The following PBX1 variants were observed in gnomAD, a reference collection of about 807,000 sequenced individuals.
PBX1 encodes pre-B-cell leukemia transcription factor 1.
In PBX1, 6 loss-of-function variants were observed where a neutral mutation model predicts 53.4. That is an observed-to-expected ratio of 0.11 (90% CI 0.06 to 0.22). PBX1 has a LOEUF of 0.22. PBX1 is among the 10% of genes least tolerant of loss of function. The pLI is 1.00. For missense variants in PBX1, 251 were observed against 551.4 expected (o/e 0.46, Z 5.46); for synonymous variants, 204 against 212.3 (o/e 0.96, Z 0.34).
chr1:164,874,049 G>T (rs933050504), intron 2 of PBX1, among the ~76,000 whole-genome samples: 2 of 151,748 alleles, frequency 1.3e-5, no homozygotes, highest in African/African-American at 4.8e-5. Context: ...GAGAGGAGAG[G>T]GCACACACCT....
At chr1:164,692,033 AC>A (rs1571230783) in intron 2 of PBX1, among the ~76,000 whole-genome samples, 1 of 152,220 alleles carries the variant, frequency 6.6e-6, no homozygotes, top group East Asian at 1.9e-4. Context: ...AGACACTATT[AC>A]GTATATGCAA....
chr1:164,750,511 CAT>C (rs1412520749), intron 2 of PBX1, among the ~76,000 whole-genome samples: 2 of 151,980 alleles, frequency 1.3e-5, no homozygotes, highest in African/African-American at 2.4e-5. Flanking sequence ...AAAATAGACC[CAT>C]AGTTGGTGTC....
At chr1:164,818,328 G>T (rs910270484) in intron 6 of PBX1, 2 of 152,140 alleles carry the variant, frequency 1.3e-5, no homozygotes, top group African/African-American at 4.8e-5. Flanking sequence ...CACTGACTGG[G>T]TATAAGCCAC....
At chr1:164,869,918 G>A (rs1355724265) in intron 2 of PBX1, among the ~76,000 whole-genome samples, 1 of 152,122 alleles carries the variant, frequency 6.6e-6, no homozygotes, top group African/African-American at 2.4e-5. Flanking sequence ...GACCATGCCT[G>A]GCATTTCAAG....
At chr1:164,781,202 A>G (rs1005678080) in intron 2 of PBX1, among the ~76,000 whole-genome samples, 2 of 152,082 alleles carry the variant, frequency 1.3e-5, no homozygotes, top group African/African-American at 4.8e-5. Flanking sequence ...TCATGGAAAA[A>G]GAAAAGCTAA....
chr1:164,757,553 C>A (rs1012666924), intron 2 of PBX1, among the ~76,000 whole-genome samples: 2 of 152,180 alleles, frequency 1.3e-5, no homozygotes, highest in African/African-American at 4.8e-5. Context: ...AAGGTGTTAT[C>A]TTGTCCACCT....
intron 2 of PBX1, among the ~76,000 whole-genome samples, chr1:164,664,755 T>C (rs921715092): frequency 6.6e-6 from 1 of 152,170 alleles, no homozygotes; most frequent in Admixed American, 6.5e-5. Flanking sequence ...GAGCAAGTCA[T>C]ATCTTATGTG....
At chr1:164,842,029 G>T (rs1180180211) in intron 8 of PBX1, among the ~76,000 whole-genome samples, 15 of 152,174 alleles carry the variant, frequency 9.9e-5, no homozygotes, top group Non-Finnish European at 1.5e-4. Flanking sequence ...GTCACATCAG[G>T]TGATGAATTC....
At chr1:164,792,809 C>A in intron 3 of PBX1, 71 bp downstream of exon 3, 1 of 1,195,296 alleles carries the variant, frequency 8.4e-7, no homozygotes, top group South Asian at 1.5e-5. Flanking sequence ...AACCCCGGGG[C>A]TTGCAGAGAG....
At chr1:164,571,409 A>G (rs1395703083) in intron 2 of PBX1, among the ~76,000 whole-genome samples, 1 of 152,110 alleles carries the variant, frequency 6.6e-6, no homozygotes, top group Non-Finnish European at 1.5e-5. Flanking sequence ...GTTTTTGCCT[A>G]TTCTGGACAT....
chr1:164,586,926 G>A (rs1654983338), intron 2 of PBX1, among the ~76,000 whole-genome samples: 1 of 152,136 alleles, frequency 6.6e-6, no homozygotes, highest in Admixed American at 6.5e-5. Context: ...GAGAACAGTG[G>A]CAACAGTCCA....
chr1:164,706,154 C>G (rs1423431279), intron 2 of PBX1, among the ~76,000 whole-genome samples: 1 of 152,102 alleles, frequency 6.6e-6, no homozygotes, highest in Non-Finnish European at 1.5e-5. Context: ...GCCCCTATGA[C>G]CTCTGATGGC....
intron 2 of PBX1, among the ~76,000 whole-genome samples, chr1:164,671,855 C>T (rs1292277079): frequency 6.6e-6 from 1 of 152,150 alleles, no homozygotes; most frequent in African/African-American, 2.4e-5. Flanking sequence ...CAACTGGGAG[C>T]TCATCAGACA....
intron 2 of PBX1, among the ~76,000 whole-genome samples, chr1:164,764,621 T>G (rs1425386447): frequency 6.6e-6 from 1 of 152,224 alleles, no homozygotes; most frequent in Non-Finnish European, 1.5e-5. Flanking sequence ...TTGTCTTATT[T>G]TGTTACATTT....
intron 2 of PBX1, among the ~76,000 whole-genome samples, chr1:164,573,970 T>G (rs1465336858): frequency 6.6e-6 from 1 of 152,202 alleles, no homozygotes; most frequent in Non-Finnish European, 1.5e-5. Context: ...CACTCAAACT[T>G]GAGCTGGTAG....
chr1:164,774,206 G>T (rs1667535565), intron 2 of PBX1, among the ~76,000 whole-genome samples: 1 of 152,124 alleles, frequency 6.6e-6, no homozygotes, highest in Non-Finnish European at 1.5e-5. Context: ...TTCTTTTTCA[G>T]CAAGGCACAG....
rs549196795 is a variant in PBX1 at position 164,625,946 on chromosome 1, A to G, written c.265+62635A>G. ...TGTGACAGAATTGAAGGAGGCCAGG[A>G]GTCGGAACTGCCCCTCATTGTTCTT... On this transcript the variant is annotated intron_variant, in intron 2 of 8. Coordinates refer to ENST00000420696, the MANE Select transcript of PBX1 (RefSeq NM_002585.4). The G allele has an allele frequency of 2.9e-5, 30 of 1,035,374 alleles. No individual in the cohort carries two copies. In the South Asian group the frequency reaches 1.2e-3, roughly 41 times the overall value. The allele number at this position is 1,035,374 out of a possible 1,614,324, so 64.1% of individuals were successfully genotyped here. A position where few individuals can be genotyped will look rare whatever the true frequency, so the allele number is the denominator to read the frequency against.
intron 3 of PBX1, among the ~76,000 whole-genome samples, chr1:164,797,116 A>G (rs1298980589): frequency 6.6e-6 from 1 of 152,196 alleles, no homozygotes; most frequent in African/African-American, 2.4e-5. Flanking sequence ...AGTGGGTGAA[A>G]CGACCCCACT....
intron 8 of PBX1, among the ~76,000 whole-genome samples, chr1:164,834,033 G>A (rs981376954): frequency 5.2e-5 from 7 of 134,790 alleles, no homozygotes; most frequent in African/African-American, 2.1e-4. Flanking sequence ...ATGTATATGT[G>A]TGTGTGTGTG....
Sources: allele counts gnomAD v4.1 joint callset (sites outside exome capture counted in the v4.1 genomes callset), GRCh38; gene constraint gnomAD v4.1.1; transcripts MANE v1.5; gene names NCBI Gene and HGNC (gene_info 2026-07-23, HGNC 2026-07-21).